LHFPL3: variants seen among roughly 807,000 people sequenced by gnomAD.
LHFPL3 encodes LHFPL tetraspan subfamily member 3 protein.
In LHFPL3, 5 loss-of-function variants were observed where a neutral mutation model predicts 19.3. That is an observed-to-expected ratio of 0.26 (90% CI 0.14 to 0.54). The LOEUF is 0.54. LHFPL3 is among the 20% of genes least tolerant of loss of function. The probability of loss-of-function intolerance (pLI) is 0.94; values close to 1 mark genes in which losing one functional copy is unlikely to be tolerated. For missense variants in LHFPL3, 249 were observed against 307.4 expected, an observed-to-expected ratio of 0.81 and a Z score of 1.42; for synonymous variants, 133 against 126.2, an observed-to-expected ratio of 1.05 and a Z score of -0.36.
intron 1 of LHFPL3, among the ~76,000 whole-genome samples, chr7:104,609,850 A>C (rs1303348280): frequency 6.6e-6 from 1 of 152,244 alleles, no homozygotes; most frequent in African/African-American, 2.4e-5. Flanking sequence ...ATGGTATTGC[A>C]TTCTCAGACA....
At chr7:104,586,258 T>G (rs1030919802) in intron 1 of LHFPL3, among the ~76,000 whole-genome samples, 2 of 152,100 alleles carry the variant, frequency 1.3e-5, no homozygotes, top group Non-Finnish European at 2.9e-5. Context: ...GAGTTAAGGA[T>G]GGTTGTGAAA....
chr7:104,708,687 T>G (rs1469525695), intron 1 of LHFPL3, among the ~76,000 whole-genome samples: 3 of 152,152 alleles, frequency 2.0e-5, no homozygotes, highest in Non-Finnish European at 4.4e-5. Context: ...TCTTTACTTC[T>G]CTGACTGTCA....
chr7:104,370,016 G>T (rs1790579292), intron 1 of LHFPL3, among the ~76,000 whole-genome samples: 1 of 152,186 alleles, frequency 6.6e-6, no homozygotes, highest in Non-Finnish European at 1.5e-5. Flanking sequence ...TATTAATTGT[G>T]TTAATATACA....
In LHFPL3 at chr7:104,602,797, G is replaced by C. The variant is rs559842409; in HGVS notation, c.446-133878G>C. On this transcript the variant is annotated intron_variant, in intron 1 of 2. Transcript: ENST00000424859. ...TGGAGGCTGAAAGTCCAAGAGCATA[G>C]TACTAGCATCTAGTGAGGACCTTAT... 2.0e-5 allele frequency among the ~76,000 whole-genome samples: 3 copies of C among 152,312 alleles called. No homozygotes were observed. The East Asian group carries it at 5.8e-4, about 29-fold the overall frequency.
chr7:104,458,901 G>A (rs918617709), intron 1 of LHFPL3, among the ~76,000 whole-genome samples: 14 of 152,278 alleles, frequency 9.2e-5, no homozygotes, highest in South Asian at 2.1e-4. Flanking sequence ...TGGGAAGTCC[G>A]GTTTCTGGGA....
chr7:104,898,892 G>A (rs960360561), intron 2 of LHFPL3, among the ~76,000 whole-genome samples: 14 of 152,116 alleles, frequency 9.2e-5, no homozygotes, highest in African/African-American at 2.4e-4. Flanking sequence ...TGAGGCAGGC[G>A]GATCGCTTGA....
chr7:104,761,644 C>T (rs1022030381), intron 2 of LHFPL3, among the ~76,000 whole-genome samples: 1 of 152,044 alleles, frequency 6.6e-6, no homozygotes, highest in African/African-American at 2.4e-5. Context: ...CTCTCTTTAC[C>T]GTACAGTTCA....
At position 104,558,877 on chromosome 7, in the gene LHFPL3, C is replaced by A. The variant is rs993111042; in HGVS notation, c.446-177798C>A. ...TTGTGTAAGGTGTAAGGAAGGGATC[C>A]AGTTTCAGCTTTCTACATATGGCTA... On this transcript the variant is annotated intron_variant, in intron 1 of 2. Transcript: ENST00000424859. Among the ~76,000 whole-genome samples, 5 of 145,098 alleles carry A rather than the reference C, an allele frequency of 3.4e-5. 1 individual carries two copies. The South Asian group carries it at 8.5e-4, about 25-fold the overall frequency.
At chr7:104,710,913 C>A (rs563798557) in intron 1 of LHFPL3, among the ~76,000 whole-genome samples, 1 of 152,250 alleles carries the variant, frequency 6.6e-6, no homozygotes, top group African/African-American at 2.4e-5. Context: ...TCTGGACTCT[C>A]CAATACCTAA....
intron 1 of LHFPL3, among the ~76,000 whole-genome samples, chr7:104,418,490 C>T (rs1295029292): frequency 1.3e-5 from 2 of 152,090 alleles, no homozygotes; most frequent in Admixed American, 1.3e-4. Flanking sequence ...TATGATTGCA[C>T]CACTGCACTC....
intron 1 of LHFPL3, among the ~76,000 whole-genome samples, chr7:104,346,311 A>G (rs566683615): frequency 2.2e-5 from 3 of 137,742 alleles, no homozygotes; most frequent in Non-Finnish European, 4.8e-5. Context: ...GTTATTCCAT[A>G]TTTTTAAGTG....
intron 1 of LHFPL3, among the ~76,000 whole-genome samples, chr7:104,347,476 T>A (rs7777442): frequency 2.0e-4 from 30 of 151,874 alleles, no homozygotes; most frequent in Non-Finnish European, 3.7e-4. Context: ...GAGGCTCAGG[T>A]GAAGGGTTGC....
chr7:104,356,911 C>G (rs998059811), intron 1 of LHFPL3, among the ~76,000 whole-genome samples: 1 of 152,136 alleles, frequency 6.6e-6, no homozygotes, highest in Admixed American at 6.5e-5. Flanking sequence ...AGCGGGCTAG[C>G]GAGCACTGCT....
Position 104,547,018 on chromosome 7 carries a change from T to C in LHFPL3, c.446-189657T>C, listed in dbSNP as rs572623562. ...TTGGGAGGCCGAGGCGGGTGGATCA[T>C]GAGGTCAGGAGATCGAGACCATCCT... On this transcript the variant is annotated intron_variant, in intron 1 of 2. Coordinates refer to ENST00000424859, the MANE Select transcript of LHFPL3 (RefSeq NM_199000.3). Among the ~76,000 whole-genome samples the C allele has an allele frequency of 1.5e-4, 4 of 26,598 alleles. 1 individual carries two copies. In the East Asian group the frequency reaches 3.4e-3, roughly 23 times the overall value. The allele number at this position is 26,598 out of a possible 152,430, so 17.4% of individuals were successfully genotyped here. A position where few individuals can be genotyped will look rare whatever the true frequency, so the allele number is the denominator to read the frequency against.
chr7:104,796,116 C>T (rs770499013), intron 2 of LHFPL3, among the ~76,000 whole-genome samples: 10 of 152,186 alleles, frequency 6.6e-5, no homozygotes, highest in Non-Finnish European at 1.5e-4. Context: ...TTTAAATCAG[C>T]TTGCTGAGGC....
intron 2 of LHFPL3, among the ~76,000 whole-genome samples, chr7:104,745,238 A>G (rs751690954): frequency 1.2e-4 from 18 of 152,206 alleles, no homozygotes; most frequent in Non-Finnish European, 2.2e-4. Flanking sequence ...CTGATACAGA[A>G]GCTGCCCCTT....
At chr7:104,882,222 CACT>C (rs1369471815) in intron 2 of LHFPL3, among the ~76,000 whole-genome samples, 1 of 152,056 alleles carries the variant, frequency 6.6e-6, no homozygotes, top group Non-Finnish European at 1.5e-5. Flanking sequence ...AACCACTAAG[CACT>C]ACATTTCATT....
intron 1 of LHFPL3, among the ~76,000 whole-genome samples, chr7:104,681,154 CTTT>C (rs35342944): frequency 1.5e-5 from 2 of 132,624 alleles, no homozygotes; most frequent in Non-Finnish European, 1.6e-5. Flanking sequence ...TTCTTTTCTT[CTTT>C]TTTTTTTTTT....
At chr7:104,599,415 G>A (rs544843644) in intron 1 of LHFPL3, among the ~76,000 whole-genome samples, 19 of 152,248 alleles carry the variant, frequency 1.2e-4, no homozygotes, top group African/African-American at 4.6e-4. Flanking sequence ...TGTATTTGGG[G>A]TAGAAGTAAT....
Sources: allele counts gnomAD v4.1 joint callset (sites outside exome capture counted in the v4.1 genomes callset), GRCh38; gene constraint gnomAD v4.1.1; transcripts MANE v1.5; gene names NCBI Gene and HGNC (gene_info 2026-07-23, HGNC 2026-07-21).